MAST2: variants seen among roughly 807,000 people sequenced by gnomAD.
The protein encoded by MAST2 is microtubule-associated serine/threonine-protein kinase 2.
In MAST2, 70 loss-of-function variants were observed where a neutral mutation model predicts 147.4. That is an observed-to-expected ratio of 0.47 (90% confidence interval 0.39 to 0.58). The LOEUF (loss-of-function observed/expected upper bound fraction) is 0.58, where lower values mean the gene tolerates loss of function less well. Ranked by LOEUF, MAST2 falls within the 20% of genes least tolerant of loss-of-function variation. The probability of loss-of-function intolerance (pLI) is 0.00; values close to 1 mark genes in which losing one functional copy is unlikely to be tolerated. For missense variants in MAST2, 2,080 were observed against 2,302.3 expected (o/e 0.90, Z 1.98); for synonymous variants, 869 against 896.8 (o/e 0.97, Z 0.55).
chr1:45,822,903 T>C (rs1644679839), intron 1 of MAST2, among the ~76,000 whole-genome samples: 2 of 152,184 alleles, frequency 1.3e-5, no homozygotes, highest in Admixed American at 1.3e-4. Flanking sequence ...TGTTTTTGCA[T>C]TAAGTTCTAT....
intron 8 of MAST2, 143 bp downstream of exon 8, chr1:46,006,538 C>G (rs906240665): frequency 1.7e-6 from 1 of 581,842 alleles, no homozygotes; most frequent in Non-Finnish European, 2.7e-6. Flanking sequence ...TGTCACATTC[C>G]TCAACTCTGC....
chr1:45,985,872 G>A (rs972821021), intron 5 of MAST2, among the ~76,000 whole-genome samples: 2 of 152,062 alleles, frequency 1.3e-5, no homozygotes, highest in African/African-American at 2.4e-5. Context: ...ATTATAAGTG[G>A]TATTGTTATT....
At chr1:46,013,118 T>G (rs1042302388) in intron 10 of MAST2, among the ~76,000 whole-genome samples, 1 of 152,132 alleles carries the variant, frequency 6.6e-6, no homozygotes, top group Non-Finnish European at 1.5e-5. Flanking sequence ...TATGGAGCAT[T>G]TAATACATGC....
intron 4 of MAST2, among the ~76,000 whole-genome samples, chr1:45,947,624 AG>A (rs1442234736): frequency 1.3e-5 from 2 of 152,212 alleles, no homozygotes; most frequent in African/African-American, 2.4e-5. Context: ...AAAGAAATAA[AG>A]GGTACCCAAA....
At chr1:45,909,430 C>CA (rs1420963094) in intron 4 of MAST2, among the ~76,000 whole-genome samples, 2 of 151,950 alleles carry the variant, frequency 1.3e-5, no homozygotes, top group Non-Finnish European at 2.9e-5. Context: ...ATTTTTAAAC[C>CA]ATCGGAGGAG....
chr1:45,865,025 G>A (rs1295377314), intron 3 of MAST2: 1 of 442,078 alleles, frequency 2.3e-6, no homozygotes, highest in Non-Finnish European at 4.5e-6. Flanking sequence ...AGGATTGTTT[G>A]CCTCTTTATC....
chr1:45,831,547 A>G (rs1022602195), intron 3 of MAST2, among the ~76,000 whole-genome samples: 4 of 152,156 alleles, frequency 2.6e-5, no homozygotes, highest in African/African-American at 4.8e-5. Context: ...AAATCTGCAG[A>G]AAAATAGACA....
At chr1:45,901,317 A>G (rs1649726435) in intron 4 of MAST2, among the ~76,000 whole-genome samples, 1 of 152,038 alleles carries the variant, frequency 6.6e-6, no homozygotes, top group Admixed American at 6.6e-5. Context: ...CTGTAGGTGT[A>G]TGGATTGACT....
At chr1:46,020,532 A>T (rs1646141839) in intron 11 of MAST2, among the ~76,000 whole-genome samples, 1 of 152,232 alleles carries the variant, frequency 6.6e-6, no homozygotes, top group Admixed American at 6.5e-5. Context: ...TTCTTAAAAA[A>T]TATTATTAAG....
chr1:45,886,313 T>TAC (rs56032969), intron 4 of MAST2, among the ~76,000 whole-genome samples: 3,566 of 145,538 alleles, frequency 0.025, 76 homozygotes, highest in Middle Eastern at 0.069. Flanking sequence ...TATCTATAAG[T>TAC]ACACACACAC....
intron 4 of MAST2, among the ~76,000 whole-genome samples, chr1:45,887,439 G>A (rs1166809087): frequency 6.6e-6 from 1 of 152,130 alleles, no homozygotes; most frequent in Non-Finnish European, 1.5e-5. Flanking sequence ...AGCCCTTGGG[G>A]ATAGTTAACC....
chr1:45,958,649 C>G (rs1659991138), intron 4 of MAST2, among the ~76,000 whole-genome samples: 1 of 151,988 alleles, frequency 6.6e-6, no homozygotes, highest in Admixed American at 6.6e-5. Flanking sequence ...TCTTTTGTTC[C>G]CTACTGCTTC....
intron 9 of MAST2, among the ~76,000 whole-genome samples, chr1:46,009,159 A>G (rs774435542): frequency 5.9e-5 from 9 of 152,062 alleles, no homozygotes; most frequent in Non-Finnish European, 1.3e-4. Context: ...GGTTCAGACA[A>G]TTCTCCTGCC....
chr1:45,839,955 T>C (rs1645223631), intron 3 of MAST2, among the ~76,000 whole-genome samples: 1 of 152,216 alleles, frequency 6.6e-6, no homozygotes, highest in African/African-American at 2.4e-5. Context: ...TACCTCATGC[T>C]GTACAAAAAT....
intron 4 of MAST2, among the ~76,000 whole-genome samples, chr1:45,893,428 A>G (rs1648189359): frequency 6.6e-6 from 1 of 151,340 alleles, no homozygotes; most frequent in South Asian, 2.1e-4. Flanking sequence ...CGGGGTAGAG[A>G]TAGGGTCTTG....
intron 12 of MAST2, 28 bp downstream of exon 12, chr1:46,022,110 G>A (rs1432280511): frequency 6.2e-7 from 1 of 1,612,552 alleles, no homozygotes; most frequent in Non-Finnish European, 8.5e-7. Flanking sequence ...TGGCTGCAAA[G>A]AGGCCCCACT....
chr1:45,925,343 G>A (rs1654194732), intron 4 of MAST2, among the ~76,000 whole-genome samples: 1 of 152,208 alleles, frequency 6.6e-6, no homozygotes, highest in Non-Finnish European at 1.5e-5. Context: ...TGGGTATGAT[G>A]AACCTTAAGA....
At chr1:45,974,368 G>A (rs1335146533) in intron 5 of MAST2, among the ~76,000 whole-genome samples, 2 of 152,176 alleles carry the variant, frequency 1.3e-5, no homozygotes, top group East Asian at 1.9e-4. Context: ...AGGCCAAGGC[G>A]GGAGATCATG....
At chr1:46,029,362 G>C in intron 18 of MAST2, 104 bp from the exon 19 acceptor site, 1 of 861,250 alleles carries the variant, frequency 1.2e-6, no homozygotes, top group East Asian at 2.6e-5. Flanking sequence ...GCTCCAGGCT[G>C]GGTCCTTTTT....
Sources: allele counts gnomAD v4.1 joint callset (sites outside exome capture counted in the v4.1 genomes callset), GRCh38; gene constraint gnomAD v4.1.1; transcripts MANE v1.5; gene names NCBI Gene and HGNC (gene_info 2026-07-23, HGNC 2026-07-21).